Variants in DLGAP2 observed in about 807,000 individuals in gnomAD.
The protein encoded by DLGAP2 is disks large-associated protein 2.
Under a neutral mutation model 100.3 loss-of-function variants are expected in DLGAP2, and 26 were observed. The observed-to-expected ratio is 0.26, with a 90% confidence interval of 0.19 to 0.36. The LOEUF (loss-of-function observed/expected upper bound fraction) is 0.36, where lower values mean the gene tolerates loss of function less well. Ranked by LOEUF, DLGAP2 falls within the 10% of genes least tolerant of loss-of-function variation. The probability of loss-of-function intolerance (pLI) is 1.00; values close to 1 mark genes in which losing one functional copy is unlikely to be tolerated. For missense variants in DLGAP2, 1,858 were observed against 1,453.2 expected, an observed-to-expected ratio of 1.28 and a Z score of -4.53; for synonymous variants, 886 against 630.1, an observed-to-expected ratio of 1.41 and a Z score of -6.08.
intron 3 of DLGAP2, among the ~76,000 whole-genome samples, chr8:1,389,128 G>A (rs1796286957): frequency 6.6e-6 from 1 of 152,168 alleles, no homozygotes. Flanking sequence ...CAGGTGGGGA[G>A]GGCTCTGGTC....
At chr8:1,477,994 A>C (rs1338557484) in intron 3 of DLGAP2, among the ~76,000 whole-genome samples, 1 of 151,896 alleles carries the variant, frequency 6.6e-6, no homozygotes, top group African/African-American at 2.4e-5. Context: ...GCTGCCTGTC[A>C]CTCTCTGTTC....
intron 3 of DLGAP2, among the ~76,000 whole-genome samples, chr8:1,448,632 A>G (rs548677091): frequency 2.0e-5 from 3 of 152,318 alleles, no homozygotes; most frequent in African/African-American, 4.8e-5. Context: ...AACAAACACT[A>G]TCACCCACAA....
rs1233930222 is a variant in DLGAP2, at chr8:808,039, C to T, written c.18+70214C>T. 2.6e-5 allele frequency among the ~76,000 whole-genome samples: 4 copies of T among 152,156 alleles called. No homozygotes were observed. The South Asian group carries it at 6.2e-4, about 24-fold the overall frequency. ...AGGCAGAAGATCTATGGTGAAGTCC[C>T]GGCTTTGCTTCTGGTTGATTTGGAT... is the stretch of plus-strand genomic sequence containing the variant. On this transcript the variant is annotated intron_variant, in intron 1 of 14. Coordinates refer to ENST00000637795, the MANE Select transcript of DLGAP2 (RefSeq NM_001346810.2).
intron 3 of DLGAP2, among the ~76,000 whole-genome samples, chr8:1,468,681 G>T (rs369238185): frequency 1.3e-5 from 2 of 152,184 alleles, no homozygotes; most frequent in Non-Finnish European, 2.9e-5. Context: ...GCCGTAAAAC[G>T]TGACTCCAGC....
chr8:1,124,493 G>A (rs1026294835), intron 2 of DLGAP2, among the ~76,000 whole-genome samples: 6 of 152,120 alleles, frequency 3.9e-5, no homozygotes, highest in African/African-American at 1.4e-4. Flanking sequence ...GTTTTCCTAT[G>A]TTTCTATTTT....
At chr8:1,366,528 C>T (rs1006594470) in intron 3 of DLGAP2, among the ~76,000 whole-genome samples, 1 of 152,168 alleles carries the variant, frequency 6.6e-6, no homozygotes, top group Non-Finnish European at 1.5e-5. Context: ...TGGGGATGTT[C>T]AGCGGCTGAC....
rs369711388 is a variant in DLGAP2 at position 1,217,971 on chromosome 8, G to T, written c.74-40880G>T. On this transcript the variant is annotated intron_variant, in intron 2 of 14. Transcript: ENST00000637795. The stretch of plus-strand genomic sequence containing the variant: ...GGTTGTTTTTTGCTTGTTGATTTAA[G>T]TTCTTTGTTGATGCTAGGTATTAGA... Among the ~76,000 whole-genome samples the T allele has an allele frequency of 5.1e-4, 77 of 152,158 alleles. 4 individuals are homozygous for T. The South Asian group carries it at 0.016, about 31-fold the overall frequency.
intron 3 of DLGAP2, among the ~76,000 whole-genome samples, chr8:1,499,133 C>T (rs919799830): frequency 7.9e-5 from 12 of 152,358 alleles, no homozygotes; most frequent in African/African-American, 2.9e-4. Context: ...GAGTGCTGTT[C>T]TCAAGATAAT....
At chr8:1,627,058 G>C (rs1490520273) in intron 7 of DLGAP2, among the ~76,000 whole-genome samples, 171 bp downstream of exon 7, 1 of 152,228 alleles carries the variant, frequency 6.6e-6, no homozygotes, top group African/African-American at 2.4e-5. Context: ...TTAGACTCGT[G>C]GACTTACTGT....
chr8:1,449,107 A>G (rs1034278806), intron 3 of DLGAP2, among the ~76,000 whole-genome samples: 1 of 152,086 alleles, frequency 6.6e-6, no homozygotes, highest in Admixed American at 6.5e-5. Flanking sequence ...ATCCCGGCCT[A>G]ATGATTATTA....
intron 3 of DLGAP2, among the ~76,000 whole-genome samples, chr8:1,445,590 C>T (rs935799661): frequency 6.6e-6 from 1 of 152,142 alleles, no homozygotes; most frequent in African/African-American, 2.4e-5. Context: ...TTTATAATCC[C>T]TTGGGTATAT....
chr8:1,606,602 A>G (rs2130718882), intron 6 of DLGAP2, among the ~76,000 whole-genome samples: 1 of 152,340 alleles, frequency 6.6e-6, no homozygotes, highest in South Asian at 2.1e-4. Context: ...GATAGACCAC[A>G]GTTTATTTAC....
In DLGAP2 at chr8:1,223,524, TAAG is replaced by T. The variant is rs570781315; in HGVS notation, c.74-35323_74-35321del. On this transcript the variant is annotated intron_variant, in intron 2 of 14. Transcript: ENST00000637795. ...AATATTAAAGAAAAATATCATTGTA[TAAG>T]AAGGGCTGCTTGAAAGAATGGTTTG... Among the ~76,000 whole-genome samples, 19 of 152,372 alleles carry T rather than the reference TAAG, an allele frequency of 1.2e-4. 2 individuals are homozygous for T. The East Asian group carries it at 3.7e-3, about 29-fold the overall frequency.
chr8:1,482,925 C>A (rs1386112858), intron 3 of DLGAP2, among the ~76,000 whole-genome samples: 2 of 152,230 alleles, frequency 1.3e-5, no homozygotes, highest in African/African-American at 4.8e-5. Context: ...GAGAAGAGGG[C>A]GGATGGTCTT....
chr8:838,061 T>C (rs574959673), intron 1 of DLGAP2, among the ~76,000 whole-genome samples: 20 of 152,154 alleles, frequency 1.3e-4, no homozygotes, highest in Admixed American at 3.9e-4. Flanking sequence ...GGTAAACAAA[T>C]GTTAAATTAG....
intron 6 of DLGAP2, among the ~76,000 whole-genome samples, chr8:1,569,012 C>T (rs1382624533): frequency 6.8e-6 from 1 of 148,070 alleles, no homozygotes; most frequent in Admixed American, 6.8e-5. Flanking sequence ...TGCCACTGTC[C>T]ACTCAGCAGA....
intron 3 of DLGAP2, among the ~76,000 whole-genome samples, chr8:1,445,795 G>C (rs1462030142): frequency 6.6e-6 from 1 of 152,180 alleles, no homozygotes; most frequent in Non-Finnish European, 1.5e-5. Context: ...ACTGGTGTGA[G>C]ATGGTATCTC....
intron 2 of DLGAP2, among the ~76,000 whole-genome samples, chr8:977,325 C>G (rs1388615302): frequency 1.3e-5 from 2 of 152,224 alleles, no homozygotes; most frequent in Admixed American, 6.5e-5. Context: ...CCATGTTCTT[C>G]TGACAGCTGA....
chr8:1,135,511 T>TG lies in DLGAP2; in HGVS notation c.74-123340_74-123339insG, dbSNP rs1796389309. Among the ~76,000 whole-genome samples, 5 of 133,084 alleles carry TG rather than the reference T, an allele frequency of 3.8e-5. 1 individual carries two copies. In the South Asian group the frequency reaches 7.5e-4, roughly 20 times the overall value. 87.3% of individuals were successfully genotyped at this position (133,084 alleles called of 152,430 possible). On this transcript the variant is annotated intron_variant, in intron 2 of 14. Coordinates refer to ENST00000637795, the MANE Select transcript of DLGAP2 (RefSeq NM_001346810.2). ...GAAGGGTTTTTTTGTGGGTTTTTTT[T>TG]TTTTTTTTTTTTTTTTGTCCATATC...
Sources: gnomAD v4.1 joint callset for allele counts (sites outside exome capture counted in the v4.1 genomes callset) on GRCh38, gnomAD v4.1.1 for gene constraint, MANE v1.5 for transcripts, NCBI Gene and HGNC (gene_info 2026-07-23, HGNC 2026-07-21) for gene names.